Variants in FAF1 observed in about 807,000 individuals in gnomAD.
The protein encoded by FAF1 is FAS-associated factor 1.
A neutral mutation model predicts 92.5 loss-of-function variants in FAF1; 25 were observed. That is an observed-to-expected ratio of 0.27 (90% CI 0.20 to 0.38). FAF1 has a LOEUF of 0.38. FAF1 is among the 10% of genes least tolerant of loss of function. FAF1 has a pLI of 1.00. For missense variants in FAF1, 636 were observed against 793.3 expected (o/e 0.80, Z 2.38); for synonymous variants, 234 against 273.2 (o/e 0.86, Z 1.42).
chr1:50,789,894 T>G, intron 3 of FAF1, among the ~76,000 whole-genome samples: 1 of 152,188 alleles, frequency 6.6e-6, no homozygotes, highest in Non-Finnish European at 1.5e-5. Context: ...CTCACCTTAA[T>G]CATTCCCGTT....
intron 6 of FAF1, among the ~76,000 whole-genome samples, chr1:50,722,415 G>A (rs373819414): frequency 1.8e-4 from 27 of 152,214 alleles, no homozygotes; most frequent in African/African-American, 4.6e-4. Context: ...TTGGGAGGCC[G>A]AGGTGGGTGG....
chr1:50,876,936 T>C (rs1156711554), intron 1 of FAF1, among the ~76,000 whole-genome samples: 1 of 152,148 alleles, frequency 6.6e-6, no homozygotes, highest in Non-Finnish European at 1.5e-5. Context: ...CAACCTAAAT[T>C]ATAAAATAAA....
rs543001770 is a variant in FAF1, at chr1:50,602,061, A to G, written c.745-5845T>C. Reference sequence around the variant, plus strand: ...TCCCTTCTAGCCCTAATGGGCTATGATCTTCATACATCACTAAGGAGATTT... The same window carrying G: ...TCCCTTCTAGCCCTAATGGGCTATGGTCTTCATACATCACTAAGGAGATTT... On this transcript the variant is annotated intron_variant, in intron 8 of 18. Coordinates refer to ENST00000396153, the MANE Select transcript of FAF1 (RefSeq NM_007051.3). Among the ~76,000 whole-genome samples, 3 of 152,278 alleles carry G rather than the reference A, an allele frequency of 2.0e-5. No individual in the cohort carries two copies. The South Asian group carries it at 6.2e-4, about 32-fold the overall frequency.
At chr1:50,480,941 A>G (rs752153231) in intron 17 of FAF1, among the ~76,000 whole-genome samples, 14 of 152,168 alleles carry the variant, frequency 9.2e-5, no homozygotes, top group Non-Finnish European at 1.8e-4. Context: ...TATGGAAGAC[A>G]ATGATATTGA....
At chr1:50,899,730 G>A (rs534164799) in intron 1 of FAF1, among the ~76,000 whole-genome samples, 58 of 152,286 alleles carry the variant, frequency 3.8e-4, no homozygotes, top group African/African-American at 1.3e-3. Flanking sequence ...GATTACAGGC[G>A]TGAGCCACCA....
intron 1 of FAF1, among the ~76,000 whole-genome samples, chr1:50,940,003 T>C (rs952433910): frequency 7.2e-5 from 11 of 152,164 alleles, no homozygotes; most frequent in Admixed American, 6.5e-5. Flanking sequence ...CACTGTCTCA[T>C]GGGTTCAAGT....
chr1:50,574,348 G>A lies in FAF1; in HGVS notation c.1114-7117C>T, dbSNP rs576854492. Among the ~76,000 whole-genome samples the A allele has an allele frequency of 3.3e-5, 5 of 152,320 alleles. No homozygotes were observed. In the South Asian group the frequency reaches 1.0e-3, roughly 32 times the overall value. Reference sequence around the variant, plus strand: ...TTACAGAGAAGCAGGCATGCTCTTTGGGGAGGCTGGAAGAGGGACTGGGTA... The same window carrying A: ...TTACAGAGAAGCAGGCATGCTCTTTAGGGAGGCTGGAAGAGGGACTGGGTA... On this transcript the variant is annotated intron_variant, in intron 12 of 18. Coordinates refer to ENST00000396153, the MANE Select transcript of FAF1 (RefSeq NM_007051.3).
intron 1 of FAF1, among the ~76,000 whole-genome samples, chr1:50,877,694 C>G (rs757657566): frequency 9.9e-5 from 15 of 151,936 alleles, no homozygotes; most frequent in Non-Finnish European, 1.9e-4. Context: ...TCTTTGTTTT[C>G]TAAGTACCCT....
At chr1:50,532,466 T>C (rs1317106177) in intron 15 of FAF1, among the ~76,000 whole-genome samples, 1 of 152,194 alleles carries the variant, frequency 6.6e-6, no homozygotes, top group African/African-American at 2.4e-5. Context: ...TAGTGAATTA[T>C]TGTCAATCAA....
intron 13 of FAF1, among the ~76,000 whole-genome samples, chr1:50,552,437 A>G (rs1026810232): frequency 1.3e-5 from 2 of 152,336 alleles, no homozygotes; most frequent in African/African-American, 4.8e-5. Flanking sequence ...AATCATCATG[A>G]TGCTCTGAAT....
chr1:50,703,329 T>A (rs1453707278), intron 7 of FAF1, among the ~76,000 whole-genome samples: 1 of 152,170 alleles, frequency 6.6e-6, no homozygotes, highest in South Asian at 2.1e-4. Flanking sequence ...TTAAGTGTCA[T>A]TGTGGATTGA....
At chr1:50,837,184 C>G (rs923646720) in intron 2 of FAF1, among the ~76,000 whole-genome samples, 3 of 152,010 alleles carry the variant, frequency 2.0e-5, no homozygotes, top group Admixed American at 2.0e-4. Flanking sequence ...TCTTGATCTC[C>G]TGACCTCGTG....
At chr1:50,543,416 T>C (rs904600628) in intron 13 of FAF1, among the ~76,000 whole-genome samples, 3 of 151,990 alleles carry the variant, frequency 2.0e-5, no homozygotes, top group African/African-American at 7.2e-5. Flanking sequence ...TATTTAAGGG[T>C]TCCTGATTAC....
chr1:50,490,282 C>G (rs1203011794), intron 17 of FAF1, among the ~76,000 whole-genome samples: 1 of 151,902 alleles, frequency 6.6e-6, no homozygotes, highest in African/African-American at 2.4e-5. Context: ...ATCACTTGAA[C>G]CTGGGAGGTG....
intron 4 of FAF1, among the ~76,000 whole-genome samples, chr1:50,766,986 C>G (rs950297960): frequency 1.1e-4 from 16 of 151,912 alleles, no homozygotes; most frequent in African/African-American, 3.6e-4. Flanking sequence ...ACTAAAATGA[C>G]AGAAACAGAA....
intron 5 of FAF1, among the ~76,000 whole-genome samples, chr1:50,743,651 T>C (rs1569869656): frequency 6.6e-6 from 1 of 152,184 alleles, no homozygotes; most frequent in South Asian, 2.1e-4. Context: ...TCTAAGTTTA[T>C]GCCTGGCCAT....
At chr1:50,615,613 T>A (rs1194618784) in intron 8 of FAF1, among the ~76,000 whole-genome samples, 1 of 152,218 alleles carries the variant, frequency 6.6e-6, no homozygotes, top group East Asian at 1.9e-4. Context: ...TTTGCATTCC[T>A]CTGATGATTA....
At chr1:50,655,841 G>A (rs977421935) in intron 7 of FAF1, among the ~76,000 whole-genome samples, 2 of 152,174 alleles carry the variant, frequency 1.3e-5, no homozygotes, top group East Asian at 1.9e-4. Flanking sequence ...GGCAAAGTAC[G>A]ATTATACATT....
At chr1:50,831,219 T>C (rs1195631662) in intron 2 of FAF1, among the ~76,000 whole-genome samples, 1 of 152,206 alleles carries the variant, frequency 6.6e-6, no homozygotes, top group African/African-American at 2.4e-5. Flanking sequence ...TTTAATGCAC[T>C]CTTTAAGTGC....
Sources: allele counts gnomAD v4.1 joint callset (sites outside exome capture counted in the v4.1 genomes callset), GRCh38; gene constraint gnomAD v4.1.1; transcripts MANE v1.5; gene names NCBI Gene and HGNC (gene_info 2026-07-23, HGNC 2026-07-21).